Variants in MACROD2 observed in about 807,000 individuals in gnomAD.
MACROD2 encodes the protein mono-ADP ribosylhydrolase 2, also known as ADP-ribose glycohydrolase MACROD2.
A neutral mutation model predicts 70.4 loss-of-function variants in MACROD2; 36 were observed. That is an observed-to-expected ratio of 0.51 (90% CI 0.39 to 0.68). The LOEUF (loss-of-function observed/expected upper bound fraction) is 0.68, where lower values mean the gene tolerates loss of function less well. MACROD2 is among the 30% of genes least tolerant of loss of function. The pLI, the probability that MACROD2 is intolerant of heterozygous loss-of-function variation, is 0.00. For missense variants in MACROD2, 496 were observed against 538.4 expected, an observed-to-expected ratio of 0.92 and a Z score of 0.78; for synonymous variants, 172 against 178.8, an observed-to-expected ratio of 0.96 and a Z score of 0.30.
intron 3 of MACROD2, among the ~76,000 whole-genome samples, chr20:14,360,120 G>T (rs1035001554): frequency 6.6e-6 from 1 of 151,294 alleles, no homozygotes; most frequent in South Asian, 2.1e-4. Flanking sequence ...GTGGTGGGGG[G>T]TGGGGCTGGG....
intron 10 of MACROD2, among the ~76,000 whole-genome samples, chr20:15,905,578 T>C (rs1232768151): frequency 1.3e-5 from 2 of 152,344 alleles, no homozygotes; most frequent in African/African-American, 4.8e-5. Flanking sequence ...GTTGACACCA[T>C]GCCAATAGGA....
At chr20:15,292,606 G>A (rs138445134) in intron 6 of MACROD2, among the ~76,000 whole-genome samples, 1 of 152,130 alleles carries the variant, frequency 6.6e-6, no homozygotes, top group Non-Finnish European at 1.5e-5. Context: ...GCTCAGAGTC[G>A]AAGTGCTGAC....
At chr20:14,727,374 AT>A (rs1488245042) in intron 5 of MACROD2, among the ~76,000 whole-genome samples, 2 of 152,100 alleles carry the variant, frequency 1.3e-5, no homozygotes, top group Non-Finnish European at 2.9e-5. Flanking sequence ...CTACAAAAAA[AT>A]AATTTAAAAA....
chr20:15,217,459 G>C (rs76633433), intron 5 of MACROD2, among the ~76,000 whole-genome samples: 1 of 152,182 alleles, frequency 6.6e-6, no homozygotes. Flanking sequence ...GGAGTGTGCT[G>C]TTGGGTTATG....
intron 3 of MACROD2, among the ~76,000 whole-genome samples, chr20:14,087,592 C>T (rs1336056835): frequency 6.6e-6 from 1 of 152,060 alleles, no homozygotes. Context: ...CCCAATATGA[C>T]TCACTCCTTC....
chr20:15,000,629 C>CAAAAAAAAAA (rs398040701), intron 5 of MACROD2, among the ~76,000 whole-genome samples: 3 of 21,984 alleles, frequency 1.4e-4, no homozygotes, highest in African/African-American at 2.4e-4. Context: ...GACTCCGTCT[C>CAAAAAAAAAA]AAAAAAAAAA....
At chr20:14,389,044 A>AT (rs1423512715) in intron 3 of MACROD2, among the ~76,000 whole-genome samples, 3 of 151,536 alleles carry the variant, frequency 2.0e-5, no homozygotes, top group African/African-American at 7.3e-5. Flanking sequence ...TACCCAGCTA[A>AT]TTTTTTTGTA....
intron 2 of MACROD2, among the ~76,000 whole-genome samples, chr20:14,009,566 A>G (rs1294191150): frequency 2.6e-5 from 4 of 152,316 alleles, no homozygotes; most frequent in African/African-American, 9.6e-5. Context: ...CAATGCCTTA[A>G]AGACATAGAG....
intron 7 of MACROD2, among the ~76,000 whole-genome samples, chr20:15,438,897 A>T (rs2046460721): frequency 6.6e-6 from 1 of 152,214 alleles, no homozygotes; most frequent in South Asian, 2.1e-4. Flanking sequence ...TGGCAAAATA[A>T]CAGGTAAAGA....
intron 3 of MACROD2, among the ~76,000 whole-genome samples, chr20:14,136,955 G>T (rs1288917687): frequency 1.3e-5 from 2 of 151,992 alleles, no homozygotes; most frequent in African/African-American, 4.8e-5. Context: ...AGAACTGTTG[G>T]TGCTCACTGG....
intron 3 of MACROD2, among the ~76,000 whole-genome samples, chr20:14,444,054 C>A (rs1022996954): frequency 6.6e-6 from 1 of 151,938 alleles, no homozygotes; most frequent in Non-Finnish European, 1.5e-5. Context: ...CTAAAAACTA[C>A]AATATGATTA....
chr20:14,327,280 G>A, intron 3 of MACROD2: 7 of 1,613,796 alleles, frequency 4.3e-6, no homozygotes, highest in Non-Finnish European at 5.9e-6. Context: ...CAAATCTGAA[G>A]GAATCCCAGC....
At chr20:14,081,157 G>A (rs962816376) in intron 2 of MACROD2, among the ~76,000 whole-genome samples, 2 of 152,148 alleles carry the variant, frequency 1.3e-5, no homozygotes, top group Non-Finnish European at 2.9e-5. Flanking sequence ...TGGTCAAATT[G>A]CTCATCCCCC....
chr20:14,900,222 G>A (rs2073879233), intron 5 of MACROD2, among the ~76,000 whole-genome samples: 1 of 152,042 alleles, frequency 6.6e-6, no homozygotes, highest in Non-Finnish European at 1.5e-5. Flanking sequence ...TAGGAAATTG[G>A]TGGAAGATCT....
chr20:15,357,929 C>T (rs1264697380), intron 6 of MACROD2, among the ~76,000 whole-genome samples: 1 of 151,938 alleles, frequency 6.6e-6, no homozygotes, highest in Non-Finnish European at 1.5e-5. Flanking sequence ...GCCTCAGCCT[C>T]CCGATTAGCT....
At chr20:15,986,692 C>T (rs1344794461) in intron 13 of MACROD2, 35 bp from the exon 14 acceptor site, 1 of 1,542,222 alleles carries the variant, frequency 6.5e-7, no homozygotes, top group Non-Finnish European at 9.0e-7. Flanking sequence ...ATGCATATCA[C>T]ATTTCTTTTA....
intron 5 of MACROD2, among the ~76,000 whole-genome samples, chr20:14,702,606 T>C (rs1429199867): frequency 5.6e-5 from 4 of 71,446 alleles, no homozygotes; most frequent in Non-Finnish European, 1.1e-4. Flanking sequence ...TGTGTGTATA[T>C]ATATGTGTAT....
intron 3 of MACROD2, among the ~76,000 whole-genome samples, chr20:14,363,484 A>G (rs1414000070): frequency 6.6e-6 from 1 of 152,236 alleles, no homozygotes; most frequent in African/African-American, 2.4e-5. Context: ...TGACTGGCTC[A>G]GTGAATTCTC....
chr20:15,327,145 CG>C (rs2077939017), intron 6 of MACROD2, among the ~76,000 whole-genome samples: 1 of 152,016 alleles, frequency 6.6e-6, no homozygotes, highest in African/African-American at 2.4e-5. Flanking sequence ...TGGACACTCA[CG>C]GGCATGTATG....
Sources: gnomAD v4.1 joint callset for allele counts (sites outside exome capture counted in the v4.1 genomes callset) on GRCh38, gnomAD v4.1.1 for gene constraint, MANE v1.5 for transcripts, NCBI Gene and HGNC (gene_info 2026-07-23, HGNC 2026-07-21) for gene names.